Variants in ZNF385B observed in about 807,000 individuals in gnomAD.
ZNF385B encodes the protein zinc finger protein 385B.
Under a neutral mutation model 39.2 loss-of-function variants are expected in ZNF385B, and 23 were observed. The ratio of observed to expected loss-of-function variants is 0.59; its 90% CI spans 0.42 to 0.83. The LOEUF (loss-of-function observed/expected upper bound fraction) is 0.83, where lower values mean the gene tolerates loss of function less well. Ranked by LOEUF, ZNF385B falls within the 40% of genes least tolerant of loss-of-function variation. The probability of loss-of-function intolerance (pLI) is 0.00; values close to 1 mark genes in which losing one functional copy is unlikely to be tolerated. For missense variants in ZNF385B, 552 were observed against 598.9 expected (o/e 0.92, Z 0.82); for synonymous variants, 205 against 222.6 (o/e 0.92, Z 0.70).
chr2:179,838,587 C>T (rs1173706131), intron 1 of ZNF385B, among the ~76,000 whole-genome samples: 1 of 152,084 alleles, frequency 6.6e-6, no homozygotes, highest in Non-Finnish European at 1.5e-5. Context: ...TGCTATGTTG[C>T]CATTTCCAAA....
At position 179,557,584 on chromosome 2, in the gene ZNF385B, TATATAACATATATAC is replaced by T. The variant is rs1216430769; in HGVS notation, c.299-12630_299-12616del. ...GTTATATATGTATGTTATATACATG[TATATAACATATATAC>T]ATGTTATATATGTATGTTATATACA... On this transcript the variant is annotated intron_variant, in intron 3 of 9. Coordinates refer to ENST00000410066, the MANE Select transcript of ZNF385B (RefSeq NM_152520.6). Among the ~76,000 whole-genome samples the T allele has an allele frequency of 3.2e-4, 7 of 22,150 alleles. No individual in the cohort carries two copies. In the East Asian group the frequency reaches 8.3e-3, roughly 26 times the overall value. The allele number at this position is 22,150 out of a possible 152,430, so 14.5% of individuals were successfully genotyped here.
intron 3 of ZNF385B, among the ~76,000 whole-genome samples, chr2:179,738,681 A>G (rs772920475): frequency 1.6e-4 from 24 of 152,160 alleles, no homozygotes; most frequent in Non-Finnish European, 3.5e-4. Flanking sequence ...AAAAATACTG[A>G]TTCCTAGATA....
In ZNF385B at chr2:179,442,955, C is replaced by G; in HGVS notation, c.*295G>C. ...TGGTTTTCTTTCTTTTTCTTTCTGA[C>G]CAATACATGCTCAAGAAATCAAATA... is the stretch of plus-strand genomic sequence containing the variant. On this transcript the variant is annotated 3_prime_UTR_variant, in exon 10 of 10. Coordinates refer to ENST00000410066, the MANE Select transcript of ZNF385B (RefSeq NM_152520.6). 1 of 478,510 alleles carries G rather than the reference C, an allele frequency of 2.1e-6. No homozygotes were observed. Among genetic ancestry groups the G allele is most frequent in the Admixed American group, 3.5e-5 (1 of 28,238 alleles). The allele number at this position is 478,510 out of a possible 1,614,324, so 29.6% of individuals were successfully genotyped here.
At chr2:179,461,120 T>C (rs1475980033) in intron 6 of ZNF385B, among the ~76,000 whole-genome samples, 2 of 152,148 alleles carry the variant, frequency 1.3e-5, no homozygotes, top group Non-Finnish European at 2.9e-5. Context: ...AGAAAGTCAG[T>C]GAGACTGGGG....
At chr2:179,614,558 CT>C (rs1480358377) in intron 3 of ZNF385B, among the ~76,000 whole-genome samples, 1 of 152,196 alleles carries the variant, frequency 6.6e-6, no homozygotes, top group Non-Finnish European at 1.5e-5. Context: ...TAGCTATACA[CT>C]TGTATTACTC....
At chr2:179,860,638 C>T (rs1363005280) in intron 1 of ZNF385B, among the ~76,000 whole-genome samples, 3 of 152,142 alleles carry the variant, frequency 2.0e-5, no homozygotes, top group Non-Finnish European at 2.9e-5. Context: ...CGACCCCAAG[C>T]TTCGACCGCT....
At chr2:179,483,941 T>C (rs568259668) in intron 5 of ZNF385B, among the ~76,000 whole-genome samples, 1 of 152,340 alleles carries the variant, frequency 6.6e-6, no homozygotes, top group South Asian at 2.1e-4. Context: ...AAAATGACAC[T>C]GAATTTTTTG....
intron 1 of ZNF385B, among the ~76,000 whole-genome samples, chr2:179,832,984 T>A (rs1708061243): frequency 6.6e-6 from 1 of 152,170 alleles, no homozygotes; most frequent in African/African-American, 2.4e-5. Flanking sequence ...TTCTTTAAAA[T>A]CTGCACAACC....
At chr2:179,652,946 A>G (rs541423891) in intron 3 of ZNF385B, among the ~76,000 whole-genome samples, 1 of 152,008 alleles carries the variant, frequency 6.6e-6, no homozygotes, top group Non-Finnish European at 1.5e-5. Context: ...TGAGACGTAA[A>G]CTGCTTAAGG....
At chr2:179,596,969 T>G (rs916333856) in intron 3 of ZNF385B, among the ~76,000 whole-genome samples, 1 of 152,208 alleles carries the variant, frequency 6.6e-6, no homozygotes, top group South Asian at 2.1e-4. Flanking sequence ...CTTTTCCACA[T>G]AACTGAAGGA....
chr2:179,485,944 G>T (rs1188105653), intron 5 of ZNF385B, among the ~76,000 whole-genome samples: 5 of 151,912 alleles, frequency 3.3e-5, no homozygotes, highest in Non-Finnish European at 4.4e-5. Flanking sequence ...TATCTTTTTA[G>T]ATCTTCATTG....
chr2:179,545,247 C>G (rs1291697528), intron 3 of ZNF385B, among the ~76,000 whole-genome samples: 1 of 152,168 alleles, frequency 6.6e-6, no homozygotes, highest in East Asian at 1.9e-4. Flanking sequence ...GCAGGAGGGT[C>G]AGACAGAATG....
Position 179,652,977 on chromosome 2 carries a change from G to A in ZNF385B, c.299-108008C>T, listed in dbSNP as rs572644270. The stretch of plus-strand genomic sequence containing the variant: ...TAAGGACAGGGTTCTTTCCTGCTTC[G>A]TTCACTTTGATATCCTTGGGGCCTT... On this transcript the variant is annotated intron_variant, in intron 3 of 9. Transcript: ENST00000410066. Among the ~76,000 whole-genome samples the A allele has an allele frequency of 1.3e-4, 20 of 152,110 alleles. No individual in the cohort carries two copies. In the South Asian group the frequency reaches 3.1e-3, roughly 24 times the overall value.
chr2:179,540,413 T>A (rs1179874666), intron 4 of ZNF385B, among the ~76,000 whole-genome samples: 1 of 152,142 alleles, frequency 6.6e-6, no homozygotes, highest in Non-Finnish European at 1.5e-5. Flanking sequence ...GCCATTGCAC[T>A]GCAGCCTGGG....
chr2:179,732,290 G>C (rs1701445512), intron 3 of ZNF385B, among the ~76,000 whole-genome samples: 1 of 152,188 alleles, frequency 6.6e-6, no homozygotes, highest in Non-Finnish European at 1.5e-5. Context: ...CTGTTGTCCA[G>C]TTGGCTCTTT....
rs974446642 is a variant in ZNF385B, at chr2:179,442,084, T to C, written c.*1166A>G. ...ATAGATGCTCTAAAAGAGTCCACTC[T>C]ATTTTGTTGTTCTATGATAACTCTT... On this transcript the variant is annotated 3_prime_UTR_variant, in exon 10 of 10. Coordinates refer to ENST00000410066, the MANE Select transcript of ZNF385B (RefSeq NM_152520.6). 1 of 152,674 alleles carries C rather than the reference T, an allele frequency of 6.5e-6. No individual in the cohort carries two copies. The highest frequency in any genetic ancestry group is 6.5e-5 in the Admixed American group (1 of 15,288). 9.5% of individuals were successfully genotyped at this position (152,674 alleles called of 1,614,324 possible).
rs1294127551 is a variant in ZNF385B, at chr2:179,648,503, T to C, written c.299-103534A>G. Among the ~76,000 whole-genome samples, 5 of 152,244 alleles carry C rather than the reference T, an allele frequency of 3.3e-5. No individual in the cohort carries two copies. The East Asian group carries it at 9.7e-4, about 29-fold the overall frequency. On this transcript the variant is annotated intron_variant, in intron 3 of 9. Coordinates refer to ENST00000410066, the MANE Select transcript of ZNF385B (RefSeq NM_152520.6). ...ATGTTTGTGTATGTGCATGCACATA[T>C]ATACGTTTGCTCCGAGCACTGGCCA...
chr2:179,494,105 G>A (rs985346730), intron 5 of ZNF385B, among the ~76,000 whole-genome samples: 3 of 151,988 alleles, frequency 2.0e-5, no homozygotes, highest in East Asian at 1.9e-4. Context: ...ATGGTGTAAC[G>A]TGCCATTTTA....
At chr2:179,515,189 C>A (rs575531816) in intron 5 of ZNF385B, among the ~76,000 whole-genome samples, 1 of 152,112 alleles carries the variant, frequency 6.6e-6, no homozygotes, top group Non-Finnish European at 1.5e-5. Context: ...TGTTCAACAT[C>A]TCTTGTTTTG....
Sources: gnomAD v4.1 joint callset for allele counts (sites outside exome capture counted in the v4.1 genomes callset) on GRCh38, gnomAD v4.1.1 for gene constraint, MANE v1.5 for transcripts, NCBI Gene and HGNC (gene_info 2026-07-23, HGNC 2026-07-21) for gene names.